Variants in PALM observed in about 807,000 individuals in gnomAD.
The protein encoded by PALM is paralemmin-1.
A neutral mutation model predicts 30.7 loss-of-function variants in PALM; 18 were observed. The observed-to-expected ratio is 0.59, with a 90% CI of 0.41 to 0.87. The LOEUF (loss-of-function observed/expected upper bound fraction) is 0.87, where lower values mean the gene tolerates loss of function less well. PALM is among the 40% of genes least tolerant of loss of function. The probability of loss-of-function intolerance (pLI) is 0.00; values close to 1 mark genes in which losing one functional copy is unlikely to be tolerated. For synonymous variants in PALM, 286 were observed against 242.8 expected, an observed-to-expected ratio of 1.18 and a Z score of -1.66; for missense variants, 529 against 555.4, an observed-to-expected ratio of 0.95 and a Z score of 0.48.
In PALM at chr19:742,335, TG is replaced by T. The variant is rs1389622989; in HGVS notation, c.634+1854del. Among the ~76,000 whole-genome samples, 13 of 152,260 alleles carry T rather than the reference TG, an allele frequency of 8.5e-5. No individual in the cohort carries two copies. The East Asian group carries it at 2.5e-3, about 29-fold the overall frequency. On this transcript the variant is annotated intron_variant, in intron 8 of 8. Coordinates refer to ENST00000338448, the MANE Select transcript of PALM (RefSeq NM_002579.3). This position sits in a 1 kb window ranked among gnomAD's most constrained non-coding sequence, Gnocchi z 5.5. The stretch of plus-strand genomic sequence containing the variant: ...AATGAGATCACACGGCCGGGTGCGG[TG>T]GCTCACACCTGTAATCCCGGCACTT...
chr19:723,501 A>G (rs1472742548), intron 1 of PALM, among the ~76,000 whole-genome samples: 1 of 152,012 alleles, frequency 6.6e-6, no homozygotes, highest in Non-Finnish European at 1.5e-5. Flanking sequence ...TCGCTGCAAC[A>G]GCCTTGGAAG....
intron 1 of PALM, among the ~76,000 whole-genome samples, chr19:725,658 G>C (rs540758157): frequency 6.6e-6 from 1 of 152,126 alleles, no homozygotes; most frequent in Non-Finnish European, 1.5e-5. Flanking sequence ...TCGTCTCCCT[G>C]TCTGGGCTTT....
At chr19:735,988 A>ATC in intron 6 of PALM, 31 bp from the exon 7 acceptor site, 1 of 1,593,806 alleles carries the variant, frequency 6.3e-7, no homozygotes, top group Non-Finnish European at 8.6e-7. Context: ...TCTGACCCTC[A>ATC]TCTCTCTCTC....
intron 7 of PALM, among the ~76,000 whole-genome samples, chr19:738,133 G>A (rs1372486676): frequency 6.6e-6 from 1 of 152,134 alleles, no homozygotes; most frequent in Non-Finnish European, 1.5e-5. Context: ...GCTCACGCCT[G>A]TAATCCCAGC....
chr19:743,431 G>A (rs1427122327), intron 8 of PALM, among the ~76,000 whole-genome samples: 1 of 152,184 alleles, frequency 6.6e-6, no homozygotes, highest in African/African-American at 2.4e-5. Flanking sequence ...TTCCTGTCTT[G>A]GGGCAGCGGC....
chr19:712,800 C>A (rs531837546), intron 1 of PALM, among the ~76,000 whole-genome samples: 2 of 151,950 alleles, frequency 1.3e-5, no homozygotes, highest in African/African-American at 4.8e-5. Flanking sequence ...CTCAGCCTCC[C>A]GAGTAGCTGG....
chr19:739,361 CTCTGGGAT>C (rs2033119383), intron 7 of PALM, among the ~76,000 whole-genome samples: 1 of 152,124 alleles, frequency 6.6e-6, no homozygotes. Flanking sequence ...GGCAGGATCT[CTCTGGGAT>C]TCACCTGCTC....
chr19:746,422 G>A lies in PALM; in HGVS notation c.772G>A (p.Gly258Arg), dbSNP rs1425340723. ...CACGGCCGGGGCGGCAGAGACCCGG[G>A]GGGCTGTGGAGGGGGCAGCCCGGAC... ...GSTAGAAETRGAVEGAARTTP... is the reference protein window; with the variant it reads ...GSTAGAAETRRAVEGAARTTP... Residue 258 changes from glycine (G) to arginine (R), a missense_variant, in exon 9 of 9, where the codon GGG becomes AGG. Transcript: ENST00000338448. This position sits in a 1 kb window ranked among gnomAD's most constrained non-coding sequence, Gnocchi z 7.1. The A allele has an allele frequency of 6.2e-7, 1 of 1,611,440 alleles. No individual in the cohort carries two copies. Among genetic ancestry groups the A allele is most frequent in the South Asian group, 1.1e-5 (1 of 90,912 alleles).
At chr19:738,023 G>A (rs1005023421) in intron 7 of PALM, among the ~76,000 whole-genome samples, 9 of 152,254 alleles carry the variant, frequency 5.9e-5, no homozygotes, top group African/African-American at 1.9e-4. Flanking sequence ...GGGATGGGCC[G>A]TGGAGGGGCG....
chr19:738,118 C>T (rs1446902984), intron 7 of PALM, among the ~76,000 whole-genome samples: 4 of 152,004 alleles, frequency 2.6e-5, no homozygotes, highest in Non-Finnish European at 4.4e-5. Context: ...TGGCCAGGCA[C>T]GGTGGCTCAC....
intron 8 of PALM, among the ~76,000 whole-genome samples, chr19:745,709 T>C (rs2033319226): frequency 6.8e-6 from 1 of 147,244 alleles, no homozygotes; most frequent in Non-Finnish European, 1.5e-5. Flanking sequence ...AAAATCCCAA[T>C]TCATTCCTTT....
rs1278204943 is a variant in PALM at position 746,295 on chromosome 19, T to C, written c.645T>C (p.Ala215=). 2.5e-6 allele frequency: 4 copies of C among 1,612,798 alleles called. No homozygotes were observed. Among genetic ancestry groups the C allele is most frequent in the Admixed American group, 1.7e-5 (1 of 59,794 alleles). The change falls in exon 9 of 9, where the codon GCT becomes GCC. Residue 215 remains alanine, a synonymous_variant. Transcript: ENST00000338448. This position sits in a 1 kb window ranked among gnomAD's most constrained non-coding sequence, Gnocchi z 7.1. ...TCTCTCCTTGTACAGTGGTCCATGC[T>C]GTGGACGGCACCGCCGAGAACGGGA... ...VYEDETKVVH[A]VDGTAENGIH...
chr19:724,108 T>TG (rs141436969), intron 1 of PALM, among the ~76,000 whole-genome samples: 6,513 of 152,122 alleles, frequency 0.043, 463 homozygotes, highest in African/African-American at 0.15. Flanking sequence ...CTTCTGGAGC[T>TG]GCAGGGCGAG....
At chr19:734,362 C>T in intron 6 of PALM, 168 bp downstream of exon 6, 1 of 622,340 alleles carries the variant, frequency 1.6e-6, no homozygotes, top group Non-Finnish European at 2.8e-6. Context: ...GAGTTCGAGA[C>T]CAGCCTGACC....
rs373642220 is a variant in PALM, at chr19:717,743, A to G, written c.6-8395A>G. 4.3e-4 allele frequency among the ~76,000 whole-genome samples: 59 copies of G among 138,184 alleles called. No homozygotes were observed. In the East Asian group the frequency reaches 0.011, roughly 27 times the overall value. The allele number at this position is 138,184 out of a possible 152,430, so 90.7% of individuals were successfully genotyped here. The stretch of plus-strand genomic sequence containing the variant: ...CCCTGGGAGTGGCGGGAGTGTGAGA[A>G]GAGGGGGCCGGGATTGGGGGGACCT... On this transcript the variant is annotated intron_variant, in intron 1 of 8. Transcript: ENST00000338448.
chr19:709,699 G>C lies in PALM; in HGVS notation c.5+548G>C, dbSNP rs2032007934. On this transcript the variant is annotated intron_variant, in intron 1 of 8. Transcript: ENST00000338448. The surrounding 1 kb of genome is among the most constrained non-coding windows in gnomAD (Gnocchi z 4.3). ...CCCCCCGCCACTGCGCAGGTCCCGAGTTACCGCTGGAGGGAGAGGGGCTGC... is the reference window on the plus strand; with the variant it reads ...CCCCCCGCCACTGCGCAGGTCCCGACTTACCGCTGGAGGGAGAGGGGCTGC... Among the ~76,000 whole-genome samples the C allele has an allele frequency of 6.6e-6, 1 of 152,166 alleles. No individual in the cohort carries two copies.
At chr19:727,359 CTGACCCTGACCT>C (rs1568225563) in intron 3 of PALM, among the ~76,000 whole-genome samples, 193 bp from the exon 4 acceptor site, 1 of 151,698 alleles carries the variant, frequency 6.6e-6, no homozygotes, top group Non-Finnish European at 1.5e-5. Context: ...AACCTCAATC[CTGACCCTGACCT>C]TGACTCTGAC....
At chr19:711,352 C>G (rs1443297144) in intron 1 of PALM, among the ~76,000 whole-genome samples, 1 of 152,158 alleles carries the variant, frequency 6.6e-6, no homozygotes, top group East Asian at 1.9e-4. Flanking sequence ...CCAGCACCCA[C>G]AGCCCTGTCC....
rs576682067 is a variant in PALM at position 714,171 on chromosome 19, C to G, written c.5+5020C>G. On this transcript the variant is annotated intron_variant, in intron 1 of 8. Coordinates refer to ENST00000338448, the MANE Select transcript of PALM (RefSeq NM_002579.3). ...CTACCCTCCTCGGCCTCCCAAAGTG[C>G]TGGGATTACAGGCGTGAGCCACCGC... is the stretch of plus-strand genomic sequence containing the variant. Among the ~76,000 whole-genome samples, 744 of 151,814 alleles carry G rather than the reference C, an allele frequency of 4.9e-3. 3 individuals carry two copies. The highest frequency in any genetic ancestry group is 0.016 in the African/African-American group (664 of 41,408).
Sources: gnomAD v4.1 joint callset for allele counts (sites outside exome capture counted in the v4.1 genomes callset) on GRCh38, gnomAD v4.1.1 for gene constraint, Gnocchi (gnomAD v3.1) non-coding constraint, MANE v1.5 for transcripts, NCBI Gene and HGNC (gene_info 2026-07-23, HGNC 2026-07-21) for gene names.